NTMT1: variants seen among roughly 807,000 people sequenced by gnomAD.
The protein encoded by NTMT1 is N-terminal RCC1 methyltransferase.
In NTMT1, 8 loss-of-function variants were observed where a neutral mutation model predicts 17.5. The ratio of observed to expected loss-of-function variants is 0.46; its 90% CI spans 0.27 to 0.82. NTMT1 has a LOEUF of 0.82. NTMT1 is among the 40% of genes least tolerant of loss of function. The probability of loss-of-function intolerance (pLI) is 0.15; values close to 1 mark genes in which losing one functional copy is unlikely to be tolerated. For missense variants in NTMT1, 221 were observed against 303.5 expected (o/e 0.73, Z 2.02); for synonymous variants, 128 against 126.8 (o/e 1.01, Z -0.06).
upstream of NTMT1, among the ~76,000 whole-genome samples, chr9:129,623,553 A>G (rs1324743472): frequency 6.6e-6 from 1 of 152,076 alleles, no homozygotes. Context: ...TTACATGAGT[A>G]TTTCACTGGC....
intron 1 of NTMT1, among the ~76,000 whole-genome samples, chr9:129,617,826 G>A (rs774427681): frequency 2.3e-4 from 35 of 152,152 alleles, no homozygotes; most frequent in Non-Finnish European, 4.6e-4. Flanking sequence ...TGGAACCACA[G>A]GCATGCACCA....
chr9:129,630,675 C>T (rs10123938), intron 1 of NTMT1, among the ~76,000 whole-genome samples: 2,195 of 152,288 alleles, frequency 0.014, 63 homozygotes, highest in African/African-American at 0.049. Flanking sequence ...GTCAGGCAGA[C>T]GGTCTTGGAC....
intron 1 of NTMT1, among the ~76,000 whole-genome samples, chr9:129,631,499 G>T (rs1193004303): frequency 6.6e-6 from 1 of 152,178 alleles, no homozygotes; most frequent in Non-Finnish European, 1.5e-5. Context: ...AGGCTTTCTA[G>T]TTCTCTCTCC....
intron 1 of NTMT1, among the ~76,000 whole-genome samples, chr9:129,617,891 C>T (rs1213815467): frequency 6.6e-6 from 1 of 152,070 alleles, no homozygotes; most frequent in Non-Finnish European, 1.5e-5. Flanking sequence ...ACCATGTTAC[C>T]AAGGCTGGTC....
chr9:129,621,707 GAGCCCC>G (rs906807995), upstream of NTMT1, among the ~76,000 whole-genome samples: 72 of 152,128 alleles, frequency 4.7e-4, no homozygotes, highest in African/African-American at 1.6e-3. Flanking sequence ...TTGGGAGGCA[GAGCCCC>G]AGTCTTACTC....
At chr9:129,627,986 C>T (rs1224916748) in intron 1 of NTMT1, among the ~76,000 whole-genome samples, 2 of 152,214 alleles carry the variant, frequency 1.3e-5, no homozygotes, top group Non-Finnish European at 2.9e-5. Flanking sequence ...GAGGCAGCAG[C>T]CAGGTGACTG....
intron 1 of NTMT1, among the ~76,000 whole-genome samples, chr9:129,610,161 G>A (rs1231762033): frequency 2.8e-5 from 4 of 143,914 alleles, no homozygotes; most frequent in Non-Finnish European, 6.1e-5. Flanking sequence ...CGGGATCCCG[G>A]GGCCTTGCGG....
Position 129,632,876 on chromosome 9 carries a change from C to G in NTMT1, c.162+11C>G. 6.2e-7 allele frequency: 1 copy of G among 1,612,890 alleles called. No individual in the cohort carries two copies. ...CAGAGGTTTTTGAGGGTAGGCAGGT[C>G]TGGCGTGCTCTCCAGGAGAGGCTGT... On this transcript the variant is annotated intron_variant, in intron 2 of 3. Coordinates refer to ENST00000372483, the MANE Select transcript of NTMT1 (RefSeq NM_014064.4).
In NTMT1 at chr9:129,615,937, T is replaced by C. The variant is rs186486985; in HGVS notation, c.-55+6759T>C. Among the ~76,000 whole-genome samples the C allele has an allele frequency of 2.2e-3, 334 of 152,348 alleles. 4 individuals are homozygous for C. Among genetic ancestry groups the C allele is most frequent in the Admixed American group, 0.019 (298 of 15,298 alleles). ...AGGCACAGAGACTATTCCAAGGCGA[T>C]GCAGCTGTCAGGCATGGAGCCAAGA... On this transcript the variant is annotated intron_variant, in intron 1 of 3. Coordinates refer to the NTMT1 transcript ENST00000372486.
At chr9:129,632,903 G>A in intron 2 of NTMT1, 38 bp downstream of exon 2, 1 of 1,601,510 alleles carries the variant, frequency 6.2e-7, no homozygotes, top group Non-Finnish European at 8.5e-7. Context: ...AGAGGCTGTG[G>A]CTCTGGTGGC....
At position 129,613,012 on chromosome 9, in the gene NTMT1, GC is replaced by G; in HGVS notation, c.-55+3838del. ...GGCTCTCAGGGAGGGTCCACTCCCAGCCCCAGCCACTCCACCAAACAGGGCT... is the reference window on the plus strand; with the variant it reads ...GGCTCTCAGGGAGGGTCCACTCCCAGCCCAGCCACTCCACCAAACAGGGCT... On this transcript the variant is annotated intron_variant, in intron 1 of 3. Transcript: ENST00000372486. The surrounding 1 kb of genome is among the most constrained non-coding windows in gnomAD (Gnocchi z 6.2). 6.6e-7 allele frequency: 1 copy of G among 1,524,610 alleles called. No individual in the cohort carries two copies. Among genetic ancestry groups the G allele is most frequent in the Non-Finnish European group, 8.9e-7 (1 of 1,124,452 alleles). 94.4% of individuals were successfully genotyped at this position (1,524,610 alleles called of 1,614,324 possible).
chr9:129,616,557 G>GC (rs1158925390), intron 1 of NTMT1, among the ~76,000 whole-genome samples: 1 of 152,050 alleles, frequency 6.6e-6, no homozygotes, highest in Non-Finnish European at 1.5e-5. Context: ...TCTCAATCAT[G>GC]CCCCATCCCA....
intron 1 of NTMT1, among the ~76,000 whole-genome samples, chr9:129,610,685 C>T (rs1157300376): frequency 1.3e-5 from 2 of 152,132 alleles, no homozygotes; most frequent in East Asian, 1.9e-4. Context: ...CGCCAGGCGG[C>T]GCCAAAGCCA....
intron 1 of NTMT1, among the ~76,000 whole-genome samples, chr9:129,616,479 G>T (rs1459856347): frequency 6.6e-6 from 1 of 152,138 alleles, no homozygotes; most frequent in Non-Finnish European, 1.5e-5. Context: ...GCCTTCCTAA[G>T]TGCTGGGATC....
intron 1 of NTMT1, chr9:129,619,532 C>A: frequency 6.2e-7 from 1 of 1,613,578 alleles, no homozygotes; most frequent in Non-Finnish European, 8.5e-7. Flanking sequence ...GTTGGCCTTT[C>A]TGACAGTGGT....
chr9:129,634,358 C>T lies in NTMT1; in HGVS notation c.415+52C>T, dbSNP rs778860075. ...TCACCTGTATGTCTCCTGCCACTCG[C>T]GTTCCCCATAAGGTGTCAGGACCAG... On this transcript the variant is annotated intron_variant, in intron 3 of 3. Coordinates refer to ENST00000372483, the MANE Select transcript of NTMT1 (RefSeq NM_014064.4). The T allele has an allele frequency of 2.1e-5, 32 of 1,545,562 alleles. No individual in the cohort carries two copies. The South Asian group carries it at 2.6e-4, about 13-fold the overall frequency.
At chr9:129,630,740 C>T (rs537927780) in intron 1 of NTMT1, among the ~76,000 whole-genome samples, 7 of 152,364 alleles carry the variant, frequency 4.6e-5, no homozygotes, top group South Asian at 2.1e-4. Context: ...CTGCTCTCCT[C>T]GTGTGGAGGC....
At chr9:129,629,383 G>A (rs942747824) in intron 1 of NTMT1, among the ~76,000 whole-genome samples, 1 of 69,830 alleles carries the variant, frequency 1.4e-5, no homozygotes, top group Admixed American at 1.6e-4. Context: ...GTGGGAAGAA[G>A]AATTCATTCT....
Position 129,629,939 on chromosome 9 carries a change from A to G in NTMT1, c.-54-2711A>G, listed in dbSNP as rs150899005. On this transcript the variant is annotated intron_variant, in intron 1 of 3. Coordinates refer to ENST00000372483, the MANE Select transcript of NTMT1 (RefSeq NM_014064.4). The stretch of plus-strand genomic sequence containing the variant: ...ACATAGTAAGACCCCATCTCAAAAA[A>G]ACAAGAATCTGAAGAGAAGTTTAAG... Among the ~76,000 whole-genome samples, 55 of 152,282 alleles carry G rather than the reference A, an allele frequency of 3.6e-4. No individual in the cohort carries two copies. The East Asian group carries it at 9.5e-3, about 26-fold the overall frequency.
Sources: gnomAD v4.1 joint callset for allele counts (sites outside exome capture counted in the v4.1 genomes callset) on GRCh38, gnomAD v4.1.1 for gene constraint, Gnocchi (gnomAD v3.1) non-coding constraint, MANE v1.5 for transcripts, NCBI Gene and HGNC (gene_info 2026-07-23, HGNC 2026-07-21) for gene names.